CDC123: variants seen among roughly 807,000 people sequenced by gnomAD.
CDC123 encodes the protein cell division cycle 123.
A neutral mutation model predicts 54.4 loss-of-function variants in CDC123; 37 were observed. The observed-to-expected ratio is 0.68, with a 90% confidence interval of 0.52 to 0.89. The LOEUF is 0.89. Ranked by LOEUF, CDC123 falls within the 40% of genes least tolerant of loss-of-function variation. The pLI is 0.00. For missense variants in CDC123, 361 were observed against 412.1 expected, an observed-to-expected ratio of 0.88 and a Z score of 1.07; for synonymous variants, 144 against 136.8, an observed-to-expected ratio of 1.05 and a Z score of -0.37.
intron 6 of CDC123, among the ~76,000 whole-genome samples, chr10:12,225,186 GGAGT>G (rs555710914): frequency 6.6e-6 from 1 of 152,204 alleles, no homozygotes; most frequent in South Asian, 2.1e-4. Flanking sequence ...CCTAAGGTCG[GGAGT>G]TTGAGACCAG....
Position 12,196,221 on chromosome 10 carries a change from A to C in CDC123, c.-25A>C. On this transcript the variant is annotated 5_prime_UTR_variant, in exon 1 of 13. Transcript: ENST00000281141. ...GGGAGGGTGCAGGCAGGAGAGGGAAAGGCAGCAGCGGCGGCAGCTGGAGGA... is the reference window on the plus strand; with the variant it reads ...GGGAGGGTGCAGGCAGGAGAGGGAACGGCAGCAGCGGCGGCAGCTGGAGGA... The C allele has an allele frequency of 6.2e-7, 1 of 1,613,856 alleles. No individual in the cohort carries two copies. Among genetic ancestry groups the C allele is most frequent in the Non-Finnish European group, 8.5e-7 (1 of 1,179,930 alleles).
intron 1 of CDC123, 38 bp from the exon 2 acceptor site, chr10:12,198,667 C>A: frequency 1.8e-6 from 2 of 1,142,244 alleles, no homozygotes; most frequent in South Asian, 2.6e-5. Context: ...TATAGTTGGT[C>A]TTTTAAAATG....
intron 2 of CDC123, 88 bp downstream of exon 2, chr10:12,198,864 T>C: frequency 1.4e-6 from 1 of 740,150 alleles, no homozygotes; most frequent in South Asian, 1.6e-5. Context: ...ATTCTTTCCC[T>C]TTAGCTCTTT....
intron 9 of CDC123, 30 bp from the exon 10 acceptor site, chr10:12,238,427 T>C: frequency 6.3e-7 from 1 of 1,595,230 alleles, no homozygotes; most frequent in Non-Finnish European, 8.5e-7. Flanking sequence ...TATTAGTTCA[T>C]TAATAACTGA....
chr10:12,223,723 G>T (rs1835767254), intron 6 of CDC123, among the ~76,000 whole-genome samples: 1 of 151,924 alleles, frequency 6.6e-6, no homozygotes, highest in Admixed American at 6.6e-5. Context: ...GGATGATTTG[G>T]GTAGTAATAA....
At chr10:12,202,563 G>GCC (rs1270885154) in intron 2 of CDC123, among the ~76,000 whole-genome samples, 2 of 152,272 alleles carry the variant, frequency 1.3e-5, no homozygotes, top group East Asian at 3.9e-4. Context: ...CACAAAGACT[G>GCC]CCCCCCACTC....
chr10:12,215,082 T>G (rs1347951469), intron 4 of CDC123, among the ~76,000 whole-genome samples: 1 of 152,184 alleles, frequency 6.6e-6, no homozygotes, highest in African/African-American at 2.4e-5. Context: ...AGTATTTCTA[T>G]TCACTTCCGG....
At chr10:12,205,039 T>C (rs1333994403) in intron 2 of CDC123, among the ~76,000 whole-genome samples, 1 of 152,062 alleles carries the variant, frequency 6.6e-6, no homozygotes, top group Non-Finnish European at 1.5e-5. Flanking sequence ...TTTCTACTTT[T>C]TTTGGTACTC....
At chr10:12,234,978 G>T in intron 7 of CDC123, 70 bp from the exon 8 acceptor site, 2 of 1,061,594 alleles carry the variant, frequency 1.9e-6, no homozygotes, top group South Asian at 2.6e-5. Flanking sequence ...ATACAGTGTT[G>T]ACCTAAAATT....
intron 1 of CDC123, among the ~76,000 whole-genome samples, chr10:12,197,845 ACT>A (rs1255103686): frequency 6.6e-6 from 1 of 152,072 alleles, no homozygotes; most frequent in Non-Finnish European, 1.5e-5. Context: ...GCCCATGAAT[ACT>A]CTTTTTTGTG....
At position 12,237,124 on chromosome 10, in the gene CDC123, G is replaced by A; in HGVS notation, c.566-20G>A. The A allele has an allele frequency of 6.6e-7, 1 of 1,516,562 alleles. No homozygotes were observed. The highest frequency in any genetic ancestry group is 8.8e-7 in the Non-Finnish European group (1 of 1,137,670). The allele number at this position is 1,516,562 out of a possible 1,614,324, so 93.9% of individuals were successfully genotyped here. A position where few individuals can be genotyped will look rare whatever the true frequency, so the allele number is the denominator to read the frequency against. On this transcript the variant is annotated intron_variant, in intron 8 of 12. Coordinates refer to ENST00000281141, the MANE Select transcript of CDC123 (RefSeq NM_006023.3). The stretch of plus-strand genomic sequence containing the variant: ...AAAGAATATTGTATAATAACAGGAT[G>A]TAAAATATTTTCTTGTCAGGTATTT...
chr10:12,242,475 G>A (rs1330133852), intron 10 of CDC123, among the ~76,000 whole-genome samples: 1 of 151,824 alleles, frequency 6.6e-6, no homozygotes, highest in Non-Finnish European at 1.5e-5. Flanking sequence ...AGTCGATTTT[G>A]TGTTACGATC....
intron 4 of CDC123, 88 bp from the exon 5 acceptor site, chr10:12,215,652 C>A: frequency 1.5e-6 from 1 of 673,442 alleles, no homozygotes; most frequent in Admixed American, 3.5e-5. Flanking sequence ...TTTTAACACC[C>A]TAAACTATAA....
rs1835388528 is a variant in CDC123 at position 12,197,963 on chromosome 10, C to A, written c.75-742C>A. On this transcript the variant is annotated intron_variant, in intron 1 of 12. Transcript: ENST00000281141. ...TAACTTCGGGAAAGCAGGCTGTAAT[C>A]TTTTCCACTTTTTGAAGATGTATAT... Among the ~76,000 whole-genome samples the A allele has an allele frequency of 2.0e-5, 3 of 152,180 alleles. No individual in the cohort carries two copies. The South Asian group carries it at 6.2e-4, about 32-fold the overall frequency.
At chr10:12,200,945 A>AG (rs1835431235) in intron 2 of CDC123, among the ~76,000 whole-genome samples, 1 of 151,726 alleles carries the variant, frequency 6.6e-6, no homozygotes, top group South Asian at 2.1e-4. Flanking sequence ...AAAAAAAAAA[A>AG]GTACTGTTAA....
intron 4 of CDC123, among the ~76,000 whole-genome samples, chr10:12,212,216 C>G (rs556052560): frequency 4.7e-4 from 71 of 152,180 alleles, no homozygotes; most frequent in Non-Finnish European, 4.4e-5. Context: ...CATGTAACAT[C>G]CTGGTAGCAG....
At chr10:12,207,732 G>T (rs1290565801) in intron 2 of CDC123, among the ~76,000 whole-genome samples, 1 of 152,128 alleles carries the variant, frequency 6.6e-6, no homozygotes, top group Non-Finnish European at 1.5e-5. Flanking sequence ...GGGGACTAGG[G>T]GTCGCAGTGT....
intron 10 of CDC123, among the ~76,000 whole-genome samples, chr10:12,240,611 C>A (rs1035472942): frequency 6.6e-6 from 1 of 152,162 alleles, no homozygotes; most frequent in Non-Finnish European, 1.5e-5. Context: ...TTGTGGCTCA[C>A]GCCTGTATTT....
intron 11 of CDC123, 81 bp from the exon 12 acceptor site, chr10:12,249,500 T>C: frequency 7.2e-7 from 1 of 1,381,336 alleles, no homozygotes; most frequent in South Asian, 1.3e-5. Context: ...TGAAATTGTT[T>C]TGCTAGGTTC....
Sources: gnomAD v4.1 joint callset for allele counts (sites outside exome capture counted in the v4.1 genomes callset) on GRCh38, gnomAD v4.1.1 for gene constraint, MANE v1.5 for transcripts, NCBI Gene and HGNC (gene_info 2026-07-23, HGNC 2026-07-21) for gene names.